The following ZBTB20 variants were observed in gnomAD, a reference collection of about 807,000 sequenced individuals.
ZBTB20 encodes zinc finger and BTB domain-containing protein 20.
ZBTB20 carries 9 observed loss-of-function variants against 56.9 expected under a neutral mutation model. The ratio of observed to expected loss-of-function variants is 0.16; its 90% confidence interval spans 0.10 to 0.28. ZBTB20 has a LOEUF of 0.28. Among genes scored for constraint, ZBTB20 ranks in the 10% least tolerant of loss-of-function variants. ZBTB20 has a pLI of 1.00. For missense variants in ZBTB20, 655 were observed against 1,003.0 expected, an observed-to-expected ratio of 0.65 and a Z score of 4.69; for synonymous variants, 417 against 420.7, an observed-to-expected ratio of 0.99 and a Z score of 0.11.
At chr3:114,798,500 T>C (rs2071487102) in intron 5 of ZBTB20, among the ~76,000 whole-genome samples, 1 of 151,860 alleles carries the variant, frequency 6.6e-6, no homozygotes, top group South Asian at 2.1e-4. Context: ...CAGGAAACAT[T>C]GCTTAGACCC....
intron 4 of ZBTB20, among the ~76,000 whole-genome samples, chr3:114,809,802 C>T (rs2072385675): frequency 6.6e-6 from 1 of 152,042 alleles, no homozygotes; most frequent in Non-Finnish European, 1.5e-5. Context: ...TTTTATATAG[C>T]ATATTACAGC....
At chr3:114,745,471 T>A (rs372660638) in intron 5 of ZBTB20, among the ~76,000 whole-genome samples, 1 of 152,096 alleles carries the variant, frequency 6.6e-6, no homozygotes, top group Non-Finnish European at 1.5e-5. Flanking sequence ...GAGGCCAGGA[T>A]AAAGAGACCA....
At chr3:114,416,860 C>T (rs910703366) in intron 7 of ZBTB20, among the ~76,000 whole-genome samples, 3 of 151,986 alleles carry the variant, frequency 2.0e-5, no homozygotes, top group African/African-American at 7.2e-5. Context: ...CATTTATTTA[C>T]TATTTTCAAA....
In ZBTB20 at chr3:114,434,558, T is replaced by TGTGTG. The variant is rs1576744101; in HGVS notation, c.-254-45454_-254-45453insCACAC. ...GCAATTGGGGTGTGTGTGTGTGTGTTTGTGTGTGTGTGTGTGTGTATCTTT... is the reference window on the plus strand; with the variant it reads ...GCAATTGGGGTGTGTGTGTGTGTGTTGTGTGTGTGTGTGTGTGTGTGTGTATCTTT... On this transcript the variant is annotated intron_variant, in intron 7 of 11. Coordinates refer to ENST00000675478, the MANE Select transcript of ZBTB20 (RefSeq NM_001348800.3). Among the ~76,000 whole-genome samples, 582 of 146,046 alleles carry TGTGTG rather than the reference T, an allele frequency of 4.0e-3. 18 individuals carry two copies. The highest frequency in any genetic ancestry group is 0.025 in the Admixed American group (370 of 14,558).
intron 10 of ZBTB20, among the ~76,000 whole-genome samples, chr3:114,369,650 C>T (rs966272217): frequency 8.5e-5 from 13 of 152,134 alleles, no homozygotes; most frequent in Non-Finnish European, 4.4e-5. Flanking sequence ...CAGAAAGCAG[C>T]ATACTTTAAG....
intron 2 of ZBTB20, among the ~76,000 whole-genome samples, chr3:114,980,988 T>C (rs548486536): frequency 6.6e-6 from 1 of 152,062 alleles, no homozygotes; most frequent in Admixed American, 6.6e-5. Flanking sequence ...TAGGGAATTA[T>C]AATTTTATCT....
chr3:114,581,692 T>TAAA (rs753892002), intron 6 of ZBTB20, among the ~76,000 whole-genome samples: 11 of 126,442 alleles, frequency 8.7e-5, no homozygotes, highest in African/African-American at 3.1e-4. Flanking sequence ...GGCTTACAAC[T>TAAA]AAAAAAAAAA....
rs930155093 is a variant in ZBTB20 at position 114,979,362 on chromosome 3, T to C, written c.-506-4946A>G. On this transcript the variant is annotated intron_variant, in intron 2 of 11. Coordinates refer to ENST00000675478, the MANE Select transcript of ZBTB20 (RefSeq NM_001348800.3). ...GAAATAGGAGTAGTATAAATTTCAA[T>C]TAAGTAAAAGTTTAAAGTAAGCAAA... Among the ~76,000 whole-genome samples, 54 of 152,012 alleles carry C rather than the reference T, an allele frequency of 3.6e-4. 1 individual carries two copies.
At chr3:114,890,023 C>T (rs1045732547) in intron 4 of ZBTB20, among the ~76,000 whole-genome samples, 2 of 152,094 alleles carry the variant, frequency 1.3e-5, no homozygotes, top group Non-Finnish European at 2.9e-5. Context: ...TAAAAGCACA[C>T]GAAGAGCTGC....
intron 7 of ZBTB20, among the ~76,000 whole-genome samples, chr3:114,443,773 T>C (rs564820215): frequency 6.6e-6 from 1 of 152,184 alleles, no homozygotes; most frequent in Non-Finnish European, 1.5e-5. Context: ...AGCTAGTCAT[T>C]CTGCTAAGCA....
chr3:114,358,641 C>T (rs191120091), intron 10 of ZBTB20, among the ~76,000 whole-genome samples: 8 of 152,246 alleles, frequency 5.3e-5, no homozygotes, highest in Admixed American at 3.9e-4. Flanking sequence ...CATGCCTATC[C>T]ATATTGTAAA....
At chr3:114,916,466 T>C (rs1316254267) in intron 3 of ZBTB20, among the ~76,000 whole-genome samples, 2 of 152,132 alleles carry the variant, frequency 1.3e-5, no homozygotes, top group African/African-American at 4.8e-5. Context: ...GTAATAGTAA[T>C]AATATTTTTA....
rs7630401 is a variant in ZBTB20 at position 114,982,477 on chromosome 3, C to T, written c.-506-8061G>A. On this transcript the variant is annotated intron_variant, in intron 2 of 11. Transcript: ENST00000675478. The stretch of plus-strand genomic sequence containing the variant: ...TTTGCTTTTAGTGTACCAATCTTTA[C>T]ACATTGAGTAATTCCATGAAGAGAA... 4.2e-3 allele frequency among the ~76,000 whole-genome samples: 632 copies of T among 152,148 alleles called. 5 individuals are homozygous for T. Among genetic ancestry groups the T allele is most frequent in the African/African-American group, 0.014 (590 of 41,532 alleles).
chr3:115,019,029 G>A (rs1326001569), intron 2 of ZBTB20, among the ~76,000 whole-genome samples: 4 of 151,212 alleles, frequency 2.6e-5, no homozygotes, highest in Admixed American at 2.0e-4. Flanking sequence ...CAGATTGTGT[G>A]ATTTTTTTGT....
At chr3:114,727,075 A>G (rs1204862463) in intron 5 of ZBTB20, among the ~76,000 whole-genome samples, 1 of 152,028 alleles carries the variant, frequency 6.6e-6, no homozygotes, top group Non-Finnish European at 1.5e-5. Flanking sequence ...TTTCATACCA[A>G]CACATAGAGA....
At chr3:114,529,787 A>G (rs902882275) in intron 6 of ZBTB20, among the ~76,000 whole-genome samples, 33 of 152,226 alleles carry the variant, frequency 2.2e-4, no homozygotes, top group African/African-American at 8.0e-4. Flanking sequence ...TATTTTGTGT[A>G]CTGCATCCCC....
chr3:114,499,496 A>T (rs2043683860), intron 7 of ZBTB20, among the ~76,000 whole-genome samples: 1 of 152,208 alleles, frequency 6.6e-6, no homozygotes, highest in East Asian at 1.9e-4. Context: ...AACAGAGCTC[A>T]CCAGAGAGTG....
chr3:114,472,847 T>C (rs2040298051), intron 7 of ZBTB20, among the ~76,000 whole-genome samples: 1 of 152,132 alleles, frequency 6.6e-6, no homozygotes, highest in Non-Finnish European at 1.5e-5. Flanking sequence ...AAGAGCTATG[T>C]GAAAGGTAAA....
At chr3:114,507,378 A>G (rs750047981) in intron 6 of ZBTB20, among the ~76,000 whole-genome samples, 8 of 152,132 alleles carry the variant, frequency 5.3e-5, no homozygotes, top group Admixed American at 1.3e-4. Flanking sequence ...AGAAAGAGCT[A>G]TAGAAACAAA....
Sources: allele counts gnomAD v4.1 joint callset (sites outside exome capture counted in the v4.1 genomes callset), GRCh38; gene constraint gnomAD v4.1.1; transcripts MANE v1.5; gene names NCBI Gene and HGNC (gene_info 2026-07-23, HGNC 2026-07-21).